Variants in HELLS observed in about 807,000 individuals in gnomAD.
HELLS encodes the protein lymphoid-specific helicase.
In HELLS, 32 loss-of-function variants were observed where a neutral mutation model predicts 120.0. That is an observed-to-expected ratio of 0.27 (90% CI 0.20 to 0.36). The LOEUF is 0.36. Ranked by LOEUF, HELLS falls within the 10% of genes least tolerant of loss-of-function variation. The pLI, the probability that HELLS is intolerant of heterozygous loss-of-function variation, is 1.00. For missense variants in HELLS, 650 were observed against 993.4 expected (o/e 0.65, Z 4.65); for synonymous variants, 341 against 323.4 (o/e 1.05, Z -0.58).
rs185491321 is a variant in HELLS at position 94,588,166 on chromosome 10, A to G, written c.1327-63A>G. ...ATAAGGTAAAGGAGTATATGGGGAC[A>G]GTATTCCTTGAAAAACAAGAATGTT... On this transcript the variant is annotated intron_variant, in intron 12 of 21. Transcript: ENST00000348459. 31 of 911,612 alleles carry G rather than the reference A, an allele frequency of 3.4e-5. No homozygotes were observed. The African/African-American group carries it at 4.8e-4, about 14-fold the overall frequency. The allele number at this position is 911,612 out of a possible 1,614,324, so 56.5% of individuals were successfully genotyped here. A position where few individuals can be genotyped will look rare whatever the true frequency, so the allele number is the denominator to read the frequency against.
At chr10:94,563,251 A>G (rs779975184) in intron 6 of HELLS, among the ~76,000 whole-genome samples, 27 of 151,970 alleles carry the variant, frequency 1.8e-4, no homozygotes, top group Middle Eastern at 3.2e-3. Context: ...GCCAACCACC[A>G]CGCCTGGCCA....
chr10:94,578,672 C>T (rs953098842), intron 10 of HELLS, among the ~76,000 whole-genome samples: 7 of 152,126 alleles, frequency 4.6e-5, no homozygotes, highest in African/African-American at 1.7e-4. Context: ...GGCTGGGCAA[C>T]CAAGTGAGAC....
In HELLS at chr10:94,598,003, T is replaced by G. The variant is rs192987534; in HGVS notation, c.2422+892T>G. Among the ~76,000 whole-genome samples the G allele has an allele frequency of 2.8e-3, 419 of 150,102 alleles. 1 individual carries two copies. The highest frequency in any genetic ancestry group is 0.01 in the African/African-American group (405 of 40,150). ...TAGAAGAGAGCCAGGATATATTGCT[T>G]CTTTTTTTTTTTTTTATCAGTTTTT... is the stretch of plus-strand genomic sequence containing the variant. On this transcript the variant is annotated intron_variant, in intron 21 of 21. Transcript: ENST00000348459.
intron 21 of HELLS, among the ~76,000 whole-genome samples, chr10:94,600,064 G>A (rs1286699770): frequency 6.6e-6 from 1 of 152,122 alleles, no homozygotes; most frequent in Admixed American, 6.5e-5. Flanking sequence ...GCTGAGGCAG[G>A]TGGATTGCCT....
intron 3 of HELLS, 30 bp from the exon 4 acceptor site, chr10:94,558,109 C>T: frequency 6.5e-7 from 1 of 1,549,716 alleles, no homozygotes; most frequent in Non-Finnish European, 8.6e-7. Context: ...GCACTTTCCA[C>T]TTGTGACATA....
intron 6 of HELLS, among the ~76,000 whole-genome samples, chr10:94,566,385 A>G (rs1843798470): frequency 6.6e-6 from 1 of 152,168 alleles, no homozygotes; most frequent in South Asian, 2.1e-4. Flanking sequence ...AAATAATAGC[A>G]TTGAACAAAT....
intron 13 of HELLS, among the ~76,000 whole-genome samples, chr10:94,590,002 A>G (rs1164056582): frequency 6.6e-6 from 1 of 151,998 alleles, no homozygotes; most frequent in Non-Finnish European, 1.5e-5. Flanking sequence ...TCCCTTTTTA[A>G]TAATTAATTA....
Position 94,545,958 on chromosome 10 carries a change from T to A in HELLS, c.31+6T>A. On this transcript the variant is annotated splice_donor_region_variant and intron_variant, in intron 1 of 21. Transcript: ENST00000348459. ...ACGGCCCGCGGGCAGCGGCGGTGAG[T>A]GAGGAAAACCTTTTGGGCGCGGGTG... 1 of 1,555,166 alleles carries A rather than the reference T, an allele frequency of 6.4e-7. No homozygotes were observed. Among genetic ancestry groups the A allele is most frequent in the Non-Finnish European group, 8.7e-7 (1 of 1,148,900 alleles).
intron 9 of HELLS, among the ~76,000 whole-genome samples, chr10:94,608,567 T>C (rs1043637730): frequency 6.6e-6 from 1 of 152,204 alleles, no homozygotes; most frequent in Admixed American, 6.5e-5. Context: ...TTTCATTTCT[T>C]TTTTCATTTT....
intron 6 of HELLS, among the ~76,000 whole-genome samples, chr10:94,563,381 C>T (rs1302782225): frequency 6.6e-6 from 1 of 152,222 alleles, no homozygotes; most frequent in African/African-American, 2.4e-5. Context: ...AGGCGTGAGC[C>T]ATTGCGCCCA....
rs768376602 is a variant in HELLS, at chr10:94,571,418, AAGG to A, written c.469_471del (p.Glu157del). On this transcript the variant is annotated inframe_deletion, in exon 7 of 22. Transcript: ENST00000348459. The stretch of plus-strand genomic sequence containing the variant: ...TTTGTCTGTGGCTAAAAAAAATAAA[AAGG>A]AGAATGAGGTAAGAAATTTATAATG... 6.7e-6 allele frequency: 10 copies of A among 1,499,422 alleles called. No individual in the cohort carries two copies. Among genetic ancestry groups the A allele is most frequent in the African/African-American group, 1.4e-5 (1 of 72,566 alleles). 92.9% of individuals were successfully genotyped at this position (1,499,422 alleles called of 1,614,324 possible).
intron 6 of HELLS, among the ~76,000 whole-genome samples, chr10:94,564,106 G>C (rs1400678999): frequency 6.6e-6 from 1 of 152,106 alleles, no homozygotes; most frequent in African/African-American, 2.4e-5. Flanking sequence ...CACTGCACCC[G>C]GCCTTTGCTG....
intron 2 of HELLS, among the ~76,000 whole-genome samples, chr10:94,552,019 G>T (rs1013188927): frequency 6.6e-6 from 1 of 152,192 alleles, no homozygotes; most frequent in African/African-American, 2.4e-5. Flanking sequence ...GATTACAGGC[G>T]TGAGCCACCG....
At chr10:94,580,496 T>C (rs1466200031) in intron 10 of HELLS, among the ~76,000 whole-genome samples, 1 of 152,064 alleles carries the variant, frequency 6.6e-6, no homozygotes, top group Non-Finnish European at 1.5e-5. Flanking sequence ...ATATTTTATA[T>C]TTTTATCTGG....
At position 94,597,111 on chromosome 10, in the gene HELLS, G is replaced by A; in HGVS notation, c.2422G>A (p.Asp808Asn). 6.4e-7 allele frequency: 1 copy of A among 1,559,534 alleles called. No individual in the cohort carries two copies. Among genetic ancestry groups the A allele is most frequent in the Non-Finnish European group, 8.8e-7 (1 of 1,132,708 alleles). Residue 808 changes from aspartate (D) to asparagine (N), a missense_variant and splice_region_variant, in exon 21 of 22, where the codon GAT becomes AAT. Physicochemically the swap from Asp to Asn is conservative, Grantham distance 23 (BLOSUM62 1). Around this residue, in one of 9 missense-constraint regions of HELLS, gnomAD observed 90 missense variants for 109.2 expected, o/e 0.82. Transcript: ENST00000348459. ...GTTGTTAGATCGAAGTGATCTTATT[G>A]GTAAGTATTATGCTTTTTTTTAATG... is the stretch of plus-strand genomic sequence containing the variant. ...ELLLDRSDLI[D>N]QMNASGPIKE...
At chr10:94,565,147 G>A (rs112861114) in intron 6 of HELLS, among the ~76,000 whole-genome samples, 2 of 152,144 alleles carry the variant, frequency 1.3e-5, no homozygotes, top group African/African-American at 2.4e-5. Flanking sequence ...AACCTGTCTG[G>A]CCAACATGGT....
At chr10:94,563,964 C>A (rs1355753045) in intron 6 of HELLS, among the ~76,000 whole-genome samples, 2 of 152,054 alleles carry the variant, frequency 1.3e-5, no homozygotes, top group Non-Finnish European at 2.9e-5. Context: ...GCATGTGCCA[C>A]CACACCCGGC....
At chr10:94,549,733 A>G (rs1323065237) in intron 2 of HELLS, among the ~76,000 whole-genome samples, 1 of 152,178 alleles carries the variant, frequency 6.6e-6, no homozygotes, top group Non-Finnish European at 1.5e-5. Flanking sequence ...CAGTGCTTTT[A>G]ATAGATGGAG....
At position 94,546,372 on chromosome 10, in the gene HELLS, G is replaced by A. The variant is rs1842753973; in HGVS notation, c.32-5G>A. The A allele has an allele frequency of 1.2e-6, 2 of 1,614,028 alleles. No homozygotes were observed. The highest frequency in any genetic ancestry group is 1.1e-5 in the South Asian group (1 of 91,070). On this transcript the variant is annotated splice_polypyrimidine_tract_variant and splice_region_variant and intron_variant, in intron 1 of 21. Coordinates refer to ENST00000348459, the MANE Select transcript of HELLS (RefSeq NM_018063.5). ...CTGCAATTTGAAAGCTTTCTCCCCC[G>A]TCAGGCTCGGAGGCTCCAGCAATGG... is the stretch of plus-strand genomic sequence containing the variant.
Sources: gnomAD v4.1 joint callset for allele counts (sites outside exome capture counted in the v4.1 genomes callset) on GRCh38, gnomAD v4.1.1 for gene constraint, gnomAD v4.1.1 regional missense constraint, MANE v1.5 for transcripts, NCBI Gene and HGNC (gene_info 2026-07-23, HGNC 2026-07-21) for gene names.